Variants in PSD2 observed in about 807,000 individuals in gnomAD.
PSD2 encodes the protein PH and SEC7 domain-containing protein 2.
In PSD2, 38 loss-of-function variants were observed where a neutral mutation model predicts 69.8. The ratio of observed to expected loss-of-function variants is 0.54; its 90% CI spans 0.42 to 0.71. The LOEUF is 0.71. PSD2 is among the 30% of genes least tolerant of loss of function. The pLI is 0.00. For missense variants in PSD2, 943 were observed against 1,014.5 expected (o/e 0.93, Z 0.96); for synonymous variants, 412 against 423.0 (o/e 0.97, Z 0.32).
At chr5:139,792,786 CCTCCCTCT>C (rs1759436526), upstream of PSD2, among the ~76,000 whole-genome samples, 1 of 149,118 alleles carries the variant, frequency 6.7e-6, no homozygotes, top group African/African-American at 2.5e-5. Context: ...TTCCTCCCTC[CCTCCCTCT>C]CTTTCTCTCT....
chr5:139,772,862 T>C, the PSD2 span: 1 of 152,164 alleles, frequency 6.6e-6, no homozygotes, highest in African/African-American at 2.4e-5. Context: ...GGCTGTGAGC[T>C]CCAGGTGAGT....
At chr5:139,822,848 C>G (rs939101565) in intron 7 of PSD2, 64 bp downstream of exon 7, 5 of 1,409,602 alleles carry the variant, frequency 3.5e-6, no homozygotes, top group Non-Finnish European at 4.8e-6. Context: ...GTGTTGATCC[C>G]GGCCCCTTCC....
the PSD2 span, among the ~76,000 whole-genome samples, chr5:139,783,706 C>T: frequency 0.081 from 12,302 of 152,046 alleles, 547 homozygotes; most frequent in Non-Finnish European, 0.091. Flanking sequence ...TCCACGAAAA[C>T]GGCTCTTGTC....
chr5:139,794,680 A>AC (rs754834579), upstream of PSD2, among the ~76,000 whole-genome samples: 16 of 152,076 alleles, frequency 1.1e-4, no homozygotes, highest in East Asian at 1.4e-3. Context: ...GGTGTGGTGA[A>AC]CCCCCCAGGG....
At chr5:139,796,628 C>A (rs1317916352) in intron 1 of PSD2, among the ~76,000 whole-genome samples, 1 of 152,190 alleles carries the variant, frequency 6.6e-6, no homozygotes, top group Non-Finnish European at 1.5e-5. Flanking sequence ...GGGCTGGGTG[C>A]AGAGGGAGTC....
At chr5:139,827,035 G>T (rs1409421720) in intron 7 of PSD2, among the ~76,000 whole-genome samples, 1 of 152,174 alleles carries the variant, frequency 6.6e-6, no homozygotes, top group Non-Finnish European at 1.5e-5. Flanking sequence ...GGTCTCTTTG[G>T]CCCAGAGAAT....
chr5:139,776,688 A>C, the PSD2 span, among the ~76,000 whole-genome samples: 2 of 130,968 alleles, frequency 1.5e-5, no homozygotes, highest in African/African-American at 3.1e-5. Context: ...TTTTTTTTCC[A>C]GATAGGGTCT....
At chr5:139,804,512 T>C (rs1759749246) in intron 1 of PSD2, among the ~76,000 whole-genome samples, 1 of 152,128 alleles carries the variant, frequency 6.6e-6, no homozygotes, top group Non-Finnish European at 1.5e-5. Context: ...GTCCAGGACT[T>C]GGAACTGGTT....
the PSD2 span, among the ~76,000 whole-genome samples, chr5:139,754,342 G>A: frequency 6.6e-6 from 1 of 152,044 alleles, no homozygotes; most frequent in Non-Finnish European, 1.5e-5. Flanking sequence ...TTAGATGGTA[G>A]GATCACTTGA....
intron 12 of PSD2, among the ~76,000 whole-genome samples, chr5:139,838,413 G>C (rs1249533717): frequency 1.3e-5 from 2 of 152,124 alleles, no homozygotes; most frequent in Admixed American, 1.3e-4. Flanking sequence ...ATGAGAATTC[G>C]GGTGTGCCTG....
intron 4 of PSD2, among the ~76,000 whole-genome samples, chr5:139,816,894 C>T (rs945081228): frequency 1.3e-5 from 2 of 152,202 alleles, no homozygotes; most frequent in Non-Finnish European, 2.9e-5. Flanking sequence ...TCACATCTCC[C>T]GCAGGGGACC....
At chr5:139,835,115 T>C (rs1760685370) in intron 8 of PSD2, among the ~76,000 whole-genome samples, 1 of 148,516 alleles carries the variant, frequency 6.7e-6, no homozygotes, top group African/African-American at 2.5e-5. Flanking sequence ...TCCCCACCCA[T>C]TCACTTACCC....
rs1326915131 is a variant in PSD2, at chr5:139,835,819, G to A, written c.1403+53G>A. ...GGGGAGCATACATCCCTGGGTGGGG[G>A]AGTGTGGGGGTGCAGGTCCGACATT... On this transcript the variant is annotated intron_variant, in intron 9 of 14. Coordinates refer to ENST00000274710, the MANE Select transcript of PSD2 (RefSeq NM_032289.4). 3 of 1,565,956 alleles carry A rather than the reference G, an allele frequency of 1.9e-6. No individual in the cohort carries two copies. The African/African-American group carries it at 4.1e-5, about 21-fold the overall frequency.
the PSD2 span, among the ~76,000 whole-genome samples, chr5:139,766,989 CT>C: frequency 7.3e-6 from 1 of 136,974 alleles, no homozygotes; most frequent in Non-Finnish European, 1.6e-5. Flanking sequence ...TTCTTTCTTT[CT>C]TTCTTTCCTT....
Position 139,809,552 on chromosome 5 carries a change from G to T in PSD2, c.112G>T (p.Gly38Cys). Residue 38 changes from glycine to cysteine, a missense_variant, in exon 2 of 15, where the codon GGC becomes TGC. Physicochemically the swap from Gly to Cys is radical, Grantham distance 159. This residue lies in a region of PSD2 where 466 missense variants were observed against 445.0 expected (regional missense o/e 1.05). Transcript: ENST00000274710. ...GGTCCGGAATGGGATGGCCAGTGAG[G>T]GCCTGAACAGCAGCCTCTGCAGCCC... ...PGVRNGMASE[G>C]LNSSLCSPGH... 2.5e-6 allele frequency: 4 copies of T among 1,613,896 alleles called. No homozygotes were observed. In the South Asian group the frequency reaches 4.4e-5, roughly 18 times the overall value.
intron 2 of PSD2, among the ~76,000 whole-genome samples, chr5:139,810,290 TG>T (rs1759926308): frequency 6.6e-6 from 1 of 152,242 alleles, no homozygotes. Flanking sequence ...ACTTCAGTCC[TG>T]CTTACTGGAG....
intron 1 of PSD2, among the ~76,000 whole-genome samples, chr5:139,805,291 C>T (rs559675354): frequency 6.6e-6 from 1 of 152,340 alleles, no homozygotes; most frequent in Non-Finnish European, 1.5e-5. Flanking sequence ...ATTTCTTTGA[C>T]AATCTAGCAT....
chr5:139,810,867 G>C (rs2126936029), intron 2 of PSD2, among the ~76,000 whole-genome samples: 1 of 152,230 alleles, frequency 6.6e-6, no homozygotes, highest in Middle Eastern at 3.4e-3. Flanking sequence ...GGATGGCGAG[G>C]CTGGGGGCAG....
chr5:139,809,413 G>T lies in PSD2; in HGVS notation c.-28G>T. Reference sequence around the variant, plus strand: ...CAGGTCTAGAGGAGTCCCAGGAGCAGCCAGGACAGGCGGAAGCAGTGGCTG... The same window carrying T: ...CAGGTCTAGAGGAGTCCCAGGAGCATCCAGGACAGGCGGAAGCAGTGGCTG... On this transcript the variant is annotated 5_prime_UTR_variant, in exon 2 of 15. Transcript: ENST00000274710. The T allele has an allele frequency of 6.2e-7, 1 of 1,602,770 alleles. No individual in the cohort carries two copies. Among genetic ancestry groups the T allele is most frequent in the Non-Finnish European group, 8.5e-7 (1 of 1,176,590 alleles).
Sources: allele counts gnomAD v4.1 joint callset (sites outside exome capture counted in the v4.1 genomes callset), GRCh38; gene constraint gnomAD v4.1.1; regional missense constraint gnomAD v4.1.1; transcripts MANE v1.5; gene names NCBI Gene and HGNC (gene_info 2026-07-23, HGNC 2026-07-21).